ARMH4: variants seen among roughly 807,000 people sequenced by gnomAD.
The protein encoded by ARMH4 is armadillo-like helical domain-containing protein 4.
A neutral mutation model predicts 61.9 loss-of-function variants in ARMH4; 49 were observed. That is an observed-to-expected ratio of 0.79 (90% CI 0.63 to 1.00). The LOEUF (loss-of-function observed/expected upper bound fraction) is 1.00. Ranked by LOEUF, ARMH4 falls within the 50% of genes least tolerant of loss-of-function variation. ARMH4 has a pLI of 0.00. For synonymous variants in ARMH4, 368 were observed against 341.5 expected (o/e 1.08, Z -0.85); for missense variants, 934 against 930.0 (o/e 1.00, Z -0.06).
chr14:58,057,258 G>C (rs1884375139), intron 5 of ARMH4, among the ~76,000 whole-genome samples: 1 of 152,212 alleles, frequency 6.6e-6, no homozygotes, highest in Non-Finnish European at 1.5e-5. Context: ...AGAAGTACCT[G>C]TTTGCATTGA....
At chr14:58,150,418 A>C (rs942555755) in intron 1 of ARMH4, among the ~76,000 whole-genome samples, 1 of 152,398 alleles carries the variant, frequency 6.6e-6, no homozygotes, top group Admixed American at 6.5e-5. Context: ...AAACATCTAC[A>C]GAATAAAGGG....
At position 58,138,396 on chromosome 14, in the gene ARMH4, A is replaced by G; in HGVS notation, c.963T>C (p.Ser321=). The change falls in exon 2 of 8, where the codon AGT becomes AGC. Residue 321 remains serine (S), a synonymous_variant. Coordinates refer to ENST00000267485, the MANE Select transcript of ARMH4 (RefSeq NM_001001872.4). ...SDEWDDTKLE[S]VSRIRTPKLG... Reference sequence around the variant, plus strand: ...GCTTGGGGGTCCTTATCCGGCTTACACTCTCTAATTTGGTGTCATCCCACT... The same window carrying G: ...GCTTGGGGGTCCTTATCCGGCTTACGCTCTCTAATTTGGTGTCATCCCACT... 1 of 1,614,024 alleles carries G rather than the reference A, an allele frequency of 6.2e-7. No individual in the cohort carries two copies. The highest frequency in any genetic ancestry group is 8.5e-7 in the Non-Finnish European group (1 of 1,180,026).
chr14:58,079,505 C>A (rs540164537), intron 5 of ARMH4, among the ~76,000 whole-genome samples: 1 of 152,326 alleles, frequency 6.6e-6, no homozygotes, highest in South Asian at 2.1e-4. Context: ...CTCTTCAAGG[C>A]TCCACCTCTC....
intron 5 of ARMH4, among the ~76,000 whole-genome samples, chr14:58,032,125 T>C (rs1030714144): frequency 6.6e-6 from 1 of 152,092 alleles, no homozygotes; most frequent in Non-Finnish European, 1.5e-5. Context: ...AAAGGGCCCT[T>C]CGTCGGAGAG....
At chr14:58,011,576 T>C (rs980291531) in intron 6 of ARMH4, among the ~76,000 whole-genome samples, 8 of 151,988 alleles carry the variant, frequency 5.3e-5, no homozygotes, top group African/African-American at 1.5e-4. Context: ...TTGGAGAGGA[T>C]TGAAAATCAA....
intron 1 of ARMH4, among the ~76,000 whole-genome samples, chr14:58,146,771 T>G (rs1887740569): frequency 6.6e-6 from 1 of 152,186 alleles, no homozygotes; most frequent in African/African-American, 2.4e-5. Context: ...TTTTTCCAAC[T>G]AAAATGAATA....
chr14:58,038,068 C>T (rs1236374302), intron 5 of ARMH4, among the ~76,000 whole-genome samples: 1 of 12,942 alleles, frequency 7.7e-5, no homozygotes, highest in Non-Finnish European at 1.5e-4. Flanking sequence ...ACCCAAAGGA[C>T]TATAAATCAT....
intron 5 of ARMH4, among the ~76,000 whole-genome samples, chr14:58,073,047 A>G (rs1884936150): frequency 6.6e-6 from 1 of 152,202 alleles, no homozygotes; most frequent in Non-Finnish European, 1.5e-5. Context: ...ACGATATCAC[A>G]TACATTTGCC....
At chr14:58,112,524 T>C (rs1158587010) in intron 4 of ARMH4, among the ~76,000 whole-genome samples, 1 of 152,208 alleles carries the variant, frequency 6.6e-6, no homozygotes, top group African/African-American at 2.4e-5. Context: ...ATTTTAGCTC[T>C]GTCCTCTCTT....
intron 6 of ARMH4, among the ~76,000 whole-genome samples, chr14:58,006,017 G>A (rs1400095271): frequency 6.6e-6 from 1 of 152,150 alleles, no homozygotes; most frequent in Non-Finnish European, 1.5e-5. Context: ...CAAATTCATC[G>A]ATGTCTCCAG....
At chr14:58,151,073 ACCACTCC>A (rs1887904035) in intron 1 of ARMH4, among the ~76,000 whole-genome samples, 1 of 152,160 alleles carries the variant, frequency 6.6e-6, no homozygotes, top group South Asian at 2.1e-4. Context: ...GGTTTTGTGA[ACCACTCC>A]CCACTCCCCC....
intron 4 of ARMH4, among the ~76,000 whole-genome samples, chr14:58,109,396 A>G (rs1886274756): frequency 6.6e-6 from 1 of 152,310 alleles, no homozygotes; most frequent in Non-Finnish European, 1.5e-5. Flanking sequence ...TGCTTTCCCC[A>G]TCACTCTGCA....
At chr14:58,128,613 T>C (rs1886981562) in intron 4 of ARMH4, among the ~76,000 whole-genome samples, 1 of 152,166 alleles carries the variant, frequency 6.6e-6, no homozygotes, top group Non-Finnish European at 1.5e-5. Flanking sequence ...TAAAAGACAC[T>C]GAAATATGCA....
At chr14:58,142,868 C>T (rs1054732406) in intron 1 of ARMH4, among the ~76,000 whole-genome samples, 1 of 152,134 alleles carries the variant, frequency 6.6e-6, no homozygotes, top group Non-Finnish European at 1.5e-5. Flanking sequence ...GGTAGGACTA[C>T]AGGCACATAC....
chr14:58,108,829 C>T (rs1044362100), intron 4 of ARMH4, among the ~76,000 whole-genome samples: 43 of 152,218 alleles, frequency 2.8e-4, no homozygotes, highest in Admixed American at 6.5e-5. Flanking sequence ...ATGTCCCTAG[C>T]TCCACATCCT....
chr14:58,019,387 T>C (rs1882730403), intron 5 of ARMH4, among the ~76,000 whole-genome samples: 1 of 152,104 alleles, frequency 6.6e-6, no homozygotes, highest in Admixed American at 6.6e-5. Context: ...GATAAATATA[T>C]ATGATTTTTA....
At chr14:58,068,805 G>C (rs754327196) in intron 5 of ARMH4, among the ~76,000 whole-genome samples, 4 of 152,040 alleles carry the variant, frequency 2.6e-5, no homozygotes, top group Non-Finnish European at 5.9e-5. Flanking sequence ...TCAGGAATTA[G>C]AGACAAGTCT....
intron 1 of ARMH4, among the ~76,000 whole-genome samples, chr14:58,148,996 T>C (rs1315441200): frequency 2.0e-5 from 3 of 152,184 alleles, no homozygotes; most frequent in Non-Finnish European, 2.9e-5. Flanking sequence ...GGGGATAGTG[T>C]CTTAATAATC....
Position 58,131,433 on chromosome 14 carries a change from C to T in ARMH4, c.1831+79G>A, listed in dbSNP as rs1028357845. ...ATACTGCAGATTGAATATACTCCTA[C>T]TTAATTCTTTTTCAAAAACATTTGC... On this transcript the variant is annotated intron_variant, in intron 4 of 7. Coordinates refer to ENST00000267485, the MANE Select transcript of ARMH4 (RefSeq NM_001001872.4). The T allele has an allele frequency of 2.2e-5, 26 of 1,196,706 alleles. No individual in the cohort carries two copies. The African/African-American group carries it at 3.8e-4, about 17-fold the overall frequency. 74.1% of individuals were successfully genotyped at this position (1,196,706 alleles called of 1,614,324 possible).
Sources: allele counts gnomAD v4.1 joint callset (sites outside exome capture counted in the v4.1 genomes callset), GRCh38; gene constraint gnomAD v4.1.1; transcripts MANE v1.5; gene names NCBI Gene and HGNC (gene_info 2026-07-23, HGNC 2026-07-21).